Variants in EPHA4 observed in about 807,000 individuals in gnomAD.
The protein encoded by EPHA4 is ephrin type-A receptor 4.
A neutral mutation model predicts 108.3 loss-of-function variants in EPHA4; 19 were observed. The ratio of observed to expected loss-of-function variants is 0.18; its 90% CI spans 0.12 to 0.26. The LOEUF (loss-of-function observed/expected upper bound fraction) is 0.26, where lower values mean the gene tolerates loss of function less well. Among genes scored for constraint, EPHA4 ranks in the 10% least tolerant of loss-of-function variants. EPHA4 has a pLI of 1.00. For missense variants in EPHA4, 917 were observed against 1,254.0 expected, an observed-to-expected ratio of 0.73 and a Z score of 4.06; for synonymous variants, 449 against 455.5, an observed-to-expected ratio of 0.99 and a Z score of 0.18.
rs13393963 is a variant in EPHA4, at chr2:221,497,974, C to T, written c.979+3043G>A. ...GCTAAAATCAAATTTTCTCTTCTTC[C>T]CCTTTGCATCCTTAAGATAAAGCTA... On this transcript the variant is annotated intron_variant, in intron 4 of 17. Transcript: ENST00000281821. 3.3e-3 allele frequency among the ~76,000 whole-genome samples: 508 copies of T among 152,204 alleles called. 5 individuals carry two copies. Among genetic ancestry groups the T allele is most frequent in the African/African-American group, 0.012 (491 of 41,530 alleles).
chr2:221,482,324 C>G, intron 5 of EPHA4, 28 bp downstream of exon 5: 2 of 1,540,490 alleles, frequency 1.3e-6, no homozygotes, highest in South Asian at 2.4e-5. Context: ...ACATTCAGAT[C>G]ATACAATAAA....
intron 4 of EPHA4, among the ~76,000 whole-genome samples, chr2:221,491,944 G>C (rs1009890437): frequency 6.6e-6 from 1 of 152,048 alleles, no homozygotes; most frequent in Admixed American, 6.6e-5. Flanking sequence ...TGAGCTGGGA[G>C]GTGGAAGTTG....
rs1689643582 is a variant in EPHA4, at chr2:221,418,386, C to T, written c.*2986G>A. 6.6e-6 allele frequency: 1 copy of T among 152,606 alleles called. No individual in the cohort carries two copies. The highest frequency in any genetic ancestry group is 2.4e-5 in the African/African-American group (1 of 41,434). 9.5% of individuals were successfully genotyped at this position (152,606 alleles called of 1,614,324 possible). On this transcript the variant is annotated 3_prime_UTR_variant, in exon 18 of 18. Transcript: ENST00000281821. ...TGATACAAAAAATAAACGCACTCTT[C>T]AGTGTGTATCAATGCTTGATGTTGT...
intron 3 of EPHA4, among the ~76,000 whole-genome samples, chr2:221,516,343 G>A (rs955195936): frequency 4.7e-5 from 7 of 147,902 alleles, no homozygotes; most frequent in Admixed American, 1.4e-4. Flanking sequence ...TGATCTGATA[G>A]ATTCAATGAT....
At chr2:221,540,975 C>T (rs867113612) in intron 3 of EPHA4, among the ~76,000 whole-genome samples, 3 of 131,194 alleles carry the variant, frequency 2.3e-5, no homozygotes, top group South Asian at 2.4e-4. Flanking sequence ...GGGAGAGAGT[C>T]TTACTCTGTC....
chr2:221,527,293 C>A (rs753965378), intron 3 of EPHA4, among the ~76,000 whole-genome samples: 2 of 152,102 alleles, frequency 1.3e-5, no homozygotes, highest in Non-Finnish European at 2.9e-5. Flanking sequence ...ATGACAAGTG[C>A]CTCTGATTAA....
At chr2:221,485,723 T>C (rs940142584) in intron 4 of EPHA4, among the ~76,000 whole-genome samples, 3 of 152,136 alleles carry the variant, frequency 2.0e-5, no homozygotes, top group Admixed American at 2.0e-4. Context: ...ATTACAAATA[T>C]ATAAGTGTGT....
At chr2:221,432,927 C>T (rs1457075229) in intron 14 of EPHA4, among the ~76,000 whole-genome samples, 2 of 147,654 alleles carry the variant, frequency 1.4e-5, no homozygotes, top group African/African-American at 2.5e-5. Flanking sequence ...TAGGTTCTAG[C>T]GATTCTCCTG....
At chr2:221,514,652 T>G (rs1330315648) in intron 3 of EPHA4, among the ~76,000 whole-genome samples, 1 of 152,192 alleles carries the variant, frequency 6.6e-6, no homozygotes, top group Non-Finnish European at 1.5e-5. Context: ...CTTCCATGTA[T>G]AAATTATAAA....
At chr2:221,456,584 A>G in intron 7 of EPHA4, 29 bp downstream of exon 7, 3 of 1,609,712 alleles carry the variant, frequency 1.9e-6, no homozygotes, top group South Asian at 2.2e-5. Context: ...TAGCCTCAGA[A>G]GTGACTGAGT....
chr2:221,439,130 A>G (rs918192308), intron 11 of EPHA4, among the ~76,000 whole-genome samples: 1 of 152,164 alleles, frequency 6.6e-6, no homozygotes, highest in African/African-American at 2.4e-5. Flanking sequence ...GGTACCATGG[A>G]CATTTTATTT....
At chr2:221,436,139 C>A (rs1421353551) in intron 13 of EPHA4, among the ~76,000 whole-genome samples, 1 of 151,634 alleles carries the variant, frequency 6.6e-6, no homozygotes, top group Middle Eastern at 3.4e-3. Flanking sequence ...CCCTGCCCTC[C>A]CAAAAAAAAA....
At chr2:221,528,167 G>C (rs1418303226) in intron 3 of EPHA4, among the ~76,000 whole-genome samples, 5 of 152,156 alleles carry the variant, frequency 3.3e-5, no homozygotes, top group Non-Finnish European at 5.9e-5. Flanking sequence ...GTAATCCATA[G>C]TAAAAGTCTG....
At chr2:221,538,915 G>A (rs972971366) in intron 3 of EPHA4, among the ~76,000 whole-genome samples, 1 of 152,178 alleles carries the variant, frequency 6.6e-6, no homozygotes, top group African/African-American at 2.4e-5. Context: ...TCTATGTACT[G>A]TATTGTTTTA....
intron 3 of EPHA4, among the ~76,000 whole-genome samples, chr2:221,518,781 A>T (rs1325926074): frequency 1.3e-5 from 2 of 152,196 alleles, no homozygotes; most frequent in Non-Finnish European, 2.9e-5. Context: ...GCCAAAAAGG[A>T]AACAGCACAA....
At chr2:221,515,283 C>T (rs917611700) in intron 3 of EPHA4, among the ~76,000 whole-genome samples, 10 of 152,118 alleles carry the variant, frequency 6.6e-5, no homozygotes, top group East Asian at 5.8e-4. Context: ...TTAGTAGAGA[C>T]GGGGTTTCTC....
At chr2:221,558,131 A>G (rs1266464140) in intron 3 of EPHA4, among the ~76,000 whole-genome samples, 1 of 152,376 alleles carries the variant, frequency 6.6e-6, no homozygotes, top group Middle Eastern at 3.4e-3. Flanking sequence ...GATATCTATG[A>G]CAGTCAAGCA....
In EPHA4 at chr2:221,522,773, ATTT is replaced by A. The variant is rs1553585438; in HGVS notation, c.824-21604_824-21602del. Reference sequence around the variant, plus strand: ...TATTATTATTATTATTATTATTATTATTTTTTTGAGACGGAGTCTCCCTCAGTT... The same window carrying A: ...TATTATTATTATTATTATTATTATTATTTTGAGACGGAGTCTCCCTCAGTT... On this transcript the variant is annotated intron_variant, in intron 3 of 17. Transcript: ENST00000281821. Among the ~76,000 whole-genome samples, 827 of 123,214 alleles carry A rather than the reference ATTT, an allele frequency of 6.7e-3. 7 individuals carry two copies. Among genetic ancestry groups the A allele is most frequent in the African/African-American group, 0.022 (752 of 34,444 alleles). 80.8% of individuals were successfully genotyped at this position (123,214 alleles called of 152,430 possible). A position where few individuals can be genotyped will look rare whatever the true frequency, so the allele number is the denominator to read the frequency against.
intron 5 of EPHA4, among the ~76,000 whole-genome samples, chr2:221,458,635 T>C (rs1691037615): frequency 6.6e-6 from 1 of 152,216 alleles, no homozygotes; most frequent in African/African-American, 2.4e-5. Flanking sequence ...AGAGCTGACA[T>C]GTTGCCTTTG....
Sources: allele counts gnomAD v4.1 joint callset (sites outside exome capture counted in the v4.1 genomes callset), GRCh38; gene constraint gnomAD v4.1.1; transcripts MANE v1.5; gene names NCBI Gene and HGNC (gene_info 2026-07-23, HGNC 2026-07-21).